UBR4: variants seen among roughly 807,000 people sequenced by gnomAD.
UBR4 encodes E3 ubiquitin-protein ligase UBR4.
UBR4 carries 124 observed loss-of-function variants against 575.6 expected under a neutral mutation model. The ratio of observed to expected loss-of-function variants is 0.22; its 90% CI spans 0.19 to 0.25. The LOEUF (loss-of-function observed/expected upper bound fraction) is 0.25, where lower values mean the gene tolerates loss of function less well. Ranked by LOEUF, UBR4 falls within the 10% of genes least tolerant of loss-of-function variation. UBR4 has a pLI of 1.00. For synonymous variants in UBR4, 2,455 were observed against 2,473.7 expected (o/e 0.99, Z 0.22); for missense variants, 4,818 against 6,478.8 (o/e 0.74, Z 8.80).
intron 63 of UBR4, among the ~76,000 whole-genome samples, 160 bp downstream of exon 63, chr1:19,127,463 G>A (rs904033081): frequency 2.0e-5 from 3 of 152,172 alleles, no homozygotes; most frequent in Non-Finnish European, 4.4e-5. Flanking sequence ...GGGAAAAGGT[G>A]GAGGTTCTGC....
At chr1:19,167,293 G>A (rs1341406281) in intron 28 of UBR4, 62 bp from the exon 29 acceptor site, 2 of 1,579,032 alleles carry the variant, frequency 1.3e-6, no homozygotes, top group Admixed American at 1.7e-5. Flanking sequence ...TGCAAAGCAA[G>A]GACAGGGTAA....
chr1:19,104,996 G>C, intron 85 of UBR4, 52 bp downstream of exon 85: 1 of 1,586,478 alleles, frequency 6.3e-7, no homozygotes, highest in Admixed American at 1.8e-5. Flanking sequence ...TTTACATCAA[G>C]GTACAAGGGG....
chr1:19,128,290 T>C lies in UBR4; in HGVS notation c.9032A>G (p.Asp3011Gly), dbSNP rs770412559. 2.0e-5 allele frequency: 32 copies of C among 1,613,864 alleles called. No homozygotes were observed. The highest frequency in any genetic ancestry group is 5.0e-5 in the Admixed American group (3 of 59,992). The change falls in exon 62 of 106, where the codon GAT becomes GGT. Residue 3011 changes from aspartate to glycine, a missense_variant. Asp to Gly is a moderately conservative substitution (Grantham distance 94). Around this residue, in one of 29 missense-constraint regions of UBR4, gnomAD observed 87 missense variants for 82.8 expected, o/e 1.05. Coordinates refer to ENST00000375254, the MANE Select transcript of UBR4 (RefSeq NM_020765.3). ...QVILMLTTDL[D>G]GEDEKDKGAL... ...CCCCTTGTCTTTCTCATCTTCTCCA[T>C]CCAGATCTGTAGTGAGCATTAGAAT...
intron 101 of UBR4, among the ~76,000 whole-genome samples, chr1:19,085,414 T>C (rs1163746369): frequency 6.6e-6 from 1 of 152,146 alleles, no homozygotes; most frequent in African/African-American, 2.4e-5. Context: ...TCCAGCTACT[T>C]GGGAGGCTGA....
rs2091295908 is a variant in UBR4 at position 19,184,159 on chromosome 1, G to C, written c.1955C>G (p.Ser652Cys). The C allele has an allele frequency of 1.2e-6, 2 of 1,614,100 alleles. No homozygotes were observed. The highest frequency in any genetic ancestry group is 1.3e-5 in the African/African-American group (1 of 75,024). ...AGAGGTGATGAAGTTCAAAATGTTGGAAGCCAGACCTAAGAACTGAAAGGA... is the reference window on the plus strand; with the variant it reads ...AGAGGTGATGAAGTTCAAAATGTTGCAAGCCAGACCTAAGAACTGAAAGGA... ...KDPELFLGLA[S>C]NILNFITSSM... The change falls in exon 16 of 106, where the codon TCC (serine) becomes TGC (cysteine). Residue 652 changes from serine to cysteine, a missense_variant. This residue lies in a region of UBR4 where 1,172 missense variants were observed against 1,259.7 expected (regional missense o/e 0.93). Coordinates refer to ENST00000375254, the MANE Select transcript of UBR4 (RefSeq NM_020765.3).
chr1:19,154,074 C>T (rs1209402314), intron 44 of UBR4, 135 bp from the exon 45 acceptor site: 2 of 997,640 alleles, frequency 2.0e-6, no homozygotes, highest in East Asian at 5.2e-5. Context: ...AGATTATCCA[C>T]AGGTTAGTTT....
Position 19,169,551 on chromosome 1 carries a change from A to G in UBR4, c.3644-19T>C, listed in dbSNP as rs774994960. 56 of 1,604,764 alleles carry G rather than the reference A, an allele frequency of 3.5e-5. 1 individual carries two copies. In the Admixed American group the frequency reaches 9.6e-4, roughly 27 times the overall value. On this transcript the variant is annotated intron_variant, in intron 26 of 105. Coordinates refer to ENST00000375254, the MANE Select transcript of UBR4 (RefSeq NM_020765.3). Reference sequence around the variant, plus strand: ...GTCGGACCTGGAGGCGACAGAAAGGACAAGGAATCATCACAAGAAAGAAGG... The same window carrying G: ...GTCGGACCTGGAGGCGACAGAAAGGGCAAGGAATCATCACAAGAAAGAAGG...
chr1:19,151,316 G>A (rs917257158), intron 48 of UBR4: 29 of 421,492 alleles, frequency 6.9e-5, no homozygotes, highest in Non-Finnish European at 2.6e-5. Context: ...TCCTCTGTGC[G>A]TTAAGAAAGC....
At chr1:19,198,318 T>C (rs1247454168) in intron 5 of UBR4, among the ~76,000 whole-genome samples, 1 of 152,186 alleles carries the variant, frequency 6.6e-6, no homozygotes, top group Non-Finnish European at 1.5e-5. Flanking sequence ...TAATTTGCAT[T>C]GAGAGAAGCC....
intron 27 of UBR4, 151 bp from the exon 28 acceptor site, chr1:19,168,335 G>C: frequency 1.5e-6 from 1 of 674,014 alleles, no homozygotes; most frequent in Non-Finnish European, 2.2e-6. Context: ...ATGCTGGGAA[G>C]GGAAGTGGGG....
chr1:19,152,210 A>G lies in UBR4; in HGVS notation c.6996+103T>C. The G allele has an allele frequency of 6.8e-7, 1 of 1,460,232 alleles. No individual in the cohort carries two copies. The highest frequency in any genetic ancestry group is 9.3e-7 in the Non-Finnish European group (1 of 1,071,150). 90.5% of individuals were successfully genotyped at this position (1,460,232 alleles called of 1,614,324 possible). A position where few individuals can be genotyped will look rare whatever the true frequency, so the allele number is the denominator to read the frequency against. ...ACTAGAACCGAGGGTTGTGACTGTGAGTATATACTCTATACTTGCTTTCTA... is the reference window on the plus strand; with the variant it reads ...ACTAGAACCGAGGGTTGTGACTGTGGGTATATACTCTATACTTGCTTTCTA... On this transcript the variant is annotated intron_variant, in intron 47 of 105. Coordinates refer to ENST00000375254, the MANE Select transcript of UBR4 (RefSeq NM_020765.3). The surrounding 1 kb of genome is among the most constrained non-coding windows in gnomAD (Gnocchi z 4.4).
At position 19,074,539 on chromosome 1, in the gene UBR4, T is replaced by C. The variant is rs929585248; in HGVS notation, c.*293A>G. The C allele has an allele frequency of 1.3e-5, 6 of 447,136 alleles. No homozygotes were observed. The highest frequency in any genetic ancestry group is 2.0e-5 in the African/African-American group (1 of 50,858). The allele number at this position is 447,136 out of a possible 1,614,324, so 27.7% of individuals were successfully genotyped here. On this transcript the variant is annotated 3_prime_UTR_variant, in exon 106 of 106. Transcript: ENST00000375254. Reference sequence around the variant, plus strand: ...CAATGTGTGTTAAGTCACTTGTTTATTTCTCAAGATGTGCACACTCAAGTA... The same window carrying C: ...CAATGTGTGTTAAGTCACTTGTTTACTTCTCAAGATGTGCACACTCAAGTA...
rs1453385744 is a variant in UBR4, at chr1:19,117,040, C to G, written c.10823+181G>C. ...TCCACTGGGCTAATTTAGAAATAAT[C>G]TTTGTCAACATGCTTAGAACTGTTG... is the stretch of plus-strand genomic sequence containing the variant. On this transcript the variant is annotated intron_variant, in intron 73 of 105. Transcript: ENST00000375254. This position sits in a 1 kb window ranked among gnomAD's most constrained non-coding sequence, Gnocchi z 4.0. Among the ~76,000 whole-genome samples, 1 of 152,146 alleles carries G rather than the reference C, an allele frequency of 6.6e-6. No individual in the cohort carries two copies. Among genetic ancestry groups the G allele is most frequent in the African/African-American group, 2.4e-5 (1 of 41,434 alleles).
intron 103 of UBR4, chr1:19,078,415 G>A (rs2076170463): frequency 5.2e-6 from 1 of 191,552 alleles, no homozygotes; most frequent in Non-Finnish European, 1.1e-5. Context: ...TGTATCCCTT[G>A]TGTTTGGGCC....
chr1:19,140,897 G>T lies in UBR4; in HGVS notation c.8489-5C>A. 1 of 1,602,440 alleles carries T rather than the reference G, an allele frequency of 6.2e-7. No homozygotes were observed. The highest frequency in any genetic ancestry group is 2.2e-5 in the East Asian group (1 of 44,610). On this transcript the variant is annotated splice_region_variant and splice_polypyrimidine_tract_variant and intron_variant, in intron 57 of 105. Transcript: ENST00000375254. The stretch of plus-strand genomic sequence containing the variant: ...CCAGGGCACTGCTGCTGCTGCCTGG[G>T]AAACAAGTGGAGAGTGAGCACAACA...
At chr1:19,175,842 G>A (rs1571473322) in intron 20 of UBR4, among the ~76,000 whole-genome samples, 1 of 152,048 alleles carries the variant, frequency 6.6e-6, no homozygotes, top group South Asian at 2.1e-4. Context: ...CAACCAGGCT[G>A]GAGTACAGTG....
intron 55 of UBR4, among the ~76,000 whole-genome samples, chr1:19,143,126 G>T (rs1346807563): frequency 8.7e-6 from 1 of 114,426 alleles, no homozygotes; most frequent in Non-Finnish European, 1.9e-5. Context: ...AAAGAGAAAA[G>T]AAAAAAAGAA....
chr1:19,173,747 A>G, intron 22 of UBR4, 126 bp from the exon 23 acceptor site: 1 of 933,626 alleles, frequency 1.1e-6, no homozygotes, highest in Non-Finnish European at 1.6e-6. Context: ...TTAAATTGAG[A>G]TTTGGCCCCC....
intron 103 of UBR4, 80 bp downstream of exon 103, chr1:19,081,269 G>T: frequency 1.6e-6 from 2 of 1,251,028 alleles, no homozygotes; most frequent in Non-Finnish European, 2.2e-6. Context: ...CCTTCACCTA[G>T]CACGTGCGTA....
Sources: gnomAD v4.1 joint callset for allele counts (sites outside exome capture counted in the v4.1 genomes callset) on GRCh38, gnomAD v4.1.1 for gene constraint, gnomAD v4.1.1 regional missense constraint, Gnocchi (gnomAD v3.1) non-coding constraint, MANE v1.5 for transcripts, NCBI Gene and HGNC (gene_info 2026-07-23, HGNC 2026-07-21) for gene names.